The following ZNF69 variants were observed in gnomAD, a reference collection of about 807,000 sequenced individuals.
ZNF69 encodes ZNF3.
Under a neutral mutation model 50.9 loss-of-function variants are expected in ZNF69, and 47 were observed. That is an observed-to-expected ratio of 0.92 (90% CI 0.73 to 1.18). The LOEUF (loss-of-function observed/expected upper bound fraction) is 1.18, where lower values mean the gene tolerates loss of function less well. Among genes scored for constraint, ZNF69 ranks in the 50% most tolerant of loss-of-function variants. The pLI is 0.00. For synonymous variants in ZNF69, 216 were observed against 223.1 expected (o/e 0.97, Z 0.29); for missense variants, 717 against 675.1 (o/e 1.06, Z -0.69).
chr19:11,910,520 A>T (rs1172217878), downstream of ZNF69, among the ~76,000 whole-genome samples: 1 of 152,204 alleles, frequency 6.6e-6, no homozygotes, highest in Admixed American at 6.5e-5. Flanking sequence ...AATACCACAC[A>T]TCTACAACCA....
downstream of ZNF69, among the ~76,000 whole-genome samples, chr19:11,917,783 A>G (rs966542000): frequency 2.0e-5 from 2 of 100,248 alleles, no homozygotes. Flanking sequence ...AAGCCACCAC[A>G]CCCTGCTTTT....
chr19:11,906,248 A>G lies in ZNF69; in HGVS notation c.*150A>G. On this transcript the variant is annotated 3_prime_UTR_variant, in exon 4 of 4. Transcript: ENST00000429654. ...AGGACACAAGCACACATAAGAATGC[A>G]TTCTGGATAGCTGAACAAAAGGCAG... 2 of 1,495,116 alleles carry G rather than the reference A, an allele frequency of 1.3e-6. No homozygotes were observed. Among genetic ancestry groups the G allele is most frequent in the Admixed American group, 2.3e-5 (1 of 42,566 alleles). 92.6% of individuals were successfully genotyped at this position (1,495,116 alleles called of 1,614,324 possible).
chr19:11,962,246 G>T, the ZNF69 span, among the ~76,000 whole-genome samples: 1 of 152,126 alleles, frequency 6.6e-6, no homozygotes, highest in Non-Finnish European at 1.5e-5. Flanking sequence ...GTGAAACGCT[G>T]TCTCTACTAA....
chr19:11,963,088 AGTGTGTGT>A, the ZNF69 span, among the ~76,000 whole-genome samples: 2 of 138,248 alleles, frequency 1.4e-5, no homozygotes, highest in Admixed American at 7.0e-5. Flanking sequence ...AGAGAGAGAG[AGTGTGTGT>A]GTGTGTGTGT....
the ZNF69 span, among the ~76,000 whole-genome samples, chr19:11,940,964 T>C: frequency 6.6e-6 from 1 of 152,074 alleles, no homozygotes; most frequent in Non-Finnish European, 1.5e-5. Flanking sequence ...TTGGTGTATT[T>C]ACAAACCTTG....
chr19:11,910,582 A>G (rs1599363418), downstream of ZNF69, among the ~76,000 whole-genome samples: 1 of 152,216 alleles, frequency 6.6e-6, no homozygotes, highest in African/African-American at 2.4e-5. Flanking sequence ...AGGATTCCCT[A>G]TTTAATAAAT....
At chr19:11,920,888 C>A in the ZNF69 span, among the ~76,000 whole-genome samples, 1 of 152,074 alleles carries the variant, frequency 6.6e-6, no homozygotes, top group Non-Finnish European at 1.5e-5. Flanking sequence ...AACCAAAATC[C>A]TAAAGGGACT....
chr19:11,913,781 C>CT (rs554732188), exon 5 of ZNF69: 47 of 164,744 alleles, frequency 2.9e-4, no homozygotes, highest in South Asian at 2.0e-3. Context: ...ACCATACCTG[C>CT]TGTCAGCAAG....
the ZNF69 span, among the ~76,000 whole-genome samples, chr19:11,919,364 T>G: frequency 1.4e-4 from 22 of 152,296 alleles, no homozygotes; most frequent in African/African-American, 5.3e-4. Flanking sequence ...TTGCTCCCCA[T>G]CTGCTATGTG....
chr19:11,970,800 G>T, the ZNF69 span, among the ~76,000 whole-genome samples: 1 of 152,178 alleles, frequency 6.6e-6, no homozygotes, highest in Admixed American at 6.5e-5. Flanking sequence ...GCATGGCAGC[G>T]CATGGCTATA....
At chr19:11,938,200 C>T in the ZNF69 span, among the ~76,000 whole-genome samples, 6 of 152,122 alleles carry the variant, frequency 3.9e-5, no homozygotes, top group African/African-American at 1.4e-4. Context: ...TCCCAAGTAA[C>T]AGGGACTACA....
downstream of ZNF69, among the ~76,000 whole-genome samples, chr19:11,907,935 G>A (rs531722507): frequency 5.3e-5 from 8 of 152,270 alleles, no homozygotes; most frequent in East Asian, 1.9e-4. Flanking sequence ...CCCATCTCAC[G>A]TGCAGAGACA....
At position 11,906,509 on chromosome 19, in the gene ZNF69, C is replaced by T. The variant is rs144485067; in HGVS notation, c.*411C>T. On this transcript the variant is annotated 3_prime_UTR_variant, in exon 4 of 4. Transcript: ENST00000429654. ...GGAAGGATCAGGCAACAACATTTGC[C>T]GTTCTGCAATATTTGCTGTTCTGCA... is the stretch of plus-strand genomic sequence containing the variant. Among the ~76,000 whole-genome samples the T allele has an allele frequency of 1.9e-4, 29 of 152,312 alleles. No individual in the cohort carries two copies. The highest frequency in any genetic ancestry group is 6.5e-4 in the African/African-American group (27 of 41,564).
chr19:11,938,461 A>G, the ZNF69 span, among the ~76,000 whole-genome samples: 1 of 151,840 alleles, frequency 6.6e-6, no homozygotes, highest in Non-Finnish European at 1.5e-5. Flanking sequence ...TTCAGTTCCC[A>G]CCTATGAGTG....
chr19:11,978,655 G>A, the ZNF69 span: 63 of 1,613,914 alleles, frequency 3.9e-5, no homozygotes, highest in Admixed American at 2.7e-4. Context: ...GCTACCCATC[G>A]AATACATGAA....
intron 1 of ZNF69, among the ~76,000 whole-genome samples, chr19:11,902,913 G>T (rs914602343): frequency 6.6e-6 from 1 of 152,082 alleles, no homozygotes; most frequent in African/African-American, 2.4e-5. Flanking sequence ...TTCTCCCTGG[G>T]TTCGGTAAAT....
At chr19:11,928,859 G>A in the ZNF69 span, among the ~76,000 whole-genome samples, 3 of 147,670 alleles carry the variant, frequency 2.0e-5, 1 homozygote, top group African/African-American at 8.0e-5. Context: ...GCAGGTGGAT[G>A]GCTTGATCTC....
intron 1 of ZNF69, among the ~76,000 whole-genome samples, chr19:11,902,143 C>T (rs764341912): frequency 2.6e-5 from 4 of 151,760 alleles, no homozygotes; most frequent in South Asian, 2.1e-4. Context: ...CCGCCATGCC[C>T]GGGTAATTTT....
chr19:11,909,980 A>T (rs865988191), downstream of ZNF69, among the ~76,000 whole-genome samples: 2 of 151,166 alleles, frequency 1.3e-5, no homozygotes, highest in African/African-American at 4.9e-5. Context: ...AAGTCTCAGG[A>T]TACAAAATCA....
Sources: allele counts gnomAD v4.1 joint callset (sites outside exome capture counted in the v4.1 genomes callset), GRCh38; gene constraint gnomAD v4.1.1; transcripts MANE v1.5; gene names NCBI Gene and HGNC (gene_info 2026-07-23, HGNC 2026-07-21).